The following CCNJL variants were observed in gnomAD, a reference collection of about 807,000 sequenced individuals.
CCNJL encodes the protein cyclin-J-like protein.
CCNJL carries 33 observed loss-of-function variants against 33.4 expected under a neutral mutation model. The ratio of observed to expected loss-of-function variants is 0.99; its 90% CI spans 0.75 to 1.32. The LOEUF (loss-of-function observed/expected upper bound fraction) is 1.32, where lower values mean the gene tolerates loss of function less well. Among genes scored for constraint, CCNJL ranks in the 40% most tolerant of loss-of-function variants. The pLI is 0.00. For synonymous variants in CCNJL, 227 were observed against 220.9 expected, an observed-to-expected ratio of 1.03 and a Z score of -0.24; for missense variants, 512 against 499.7, an observed-to-expected ratio of 1.02 and a Z score of -0.23.
At chr5:160,256,723 C>G (rs774590479) in intron 4 of CCNJL, among the ~76,000 whole-genome samples, 1 of 152,036 alleles carries the variant, frequency 6.6e-6, no homozygotes, top group Non-Finnish European at 1.5e-5. Context: ...CGAGACCAGC[C>G]TGGCCAACAT....
chr5:160,286,038 C>T (rs2113373574), intron 2 of CCNJL, among the ~76,000 whole-genome samples: 1 of 152,332 alleles, frequency 6.6e-6, no homozygotes. Context: ...AAGCAGCAGC[C>T]ACAGTCATAG....
At chr5:160,339,264 T>C (rs1341679790) in intron 1 of CCNJL, among the ~76,000 whole-genome samples, 1 of 110,738 alleles carries the variant, frequency 9.0e-6, no homozygotes, top group Admixed American at 8.7e-5. Context: ...ATAATTTATA[T>C]ATATATATGT....
chr5:160,289,084 T>G (rs1470199102), intron 2 of CCNJL, among the ~76,000 whole-genome samples: 1 of 152,198 alleles, frequency 6.6e-6, no homozygotes, highest in Non-Finnish European at 1.5e-5. Flanking sequence ...ATTTTGGGCA[T>G]GTGGGCTGTT....
At chr5:160,306,865 C>T (rs1763111966) in intron 2 of CCNJL, among the ~76,000 whole-genome samples, 1 of 152,202 alleles carries the variant, frequency 6.6e-6, no homozygotes, top group Non-Finnish European at 1.5e-5. Flanking sequence ...TTCCTAAGAT[C>T]CTTAAGCTGT....
chr5:160,280,615 C>T lies in CCNJL; in HGVS notation c.190G>A (p.Val64Ile), dbSNP rs747122783. The T allele has an allele frequency of 7.4e-6, 12 of 1,613,502 alleles. No individual in the cohort carries two copies. The highest frequency in any genetic ancestry group is 5.5e-5 in the South Asian group (5 of 91,086). ...QLCPAARHLAVYLLDHFMDRY... is the reference protein window; with the variant it reads ...QLCPAARHLAIYLLDHFMDRY... Reference sequence around the variant, plus strand: ...TCCATGAAGTGGTCCAGCAGGTAGACGGCCAGGTGCCGGGCTGCAGGGCAG... The same window carrying T: ...TCCATGAAGTGGTCCAGCAGGTAGATGGCCAGGTGCCGGGCTGCAGGGCAG... The change falls in exon 3 of 6, where the codon GTC becomes ATC. Residue 64 changes from valine (V) to isoleucine (I), a missense_variant. Transcript: ENST00000257536.
At position 160,305,076 on chromosome 5, in the gene CCNJL, A is replaced by G. The variant is rs183102362; in HGVS notation, c.66+6782T>C. Among the ~76,000 whole-genome samples, 295 of 152,178 alleles carry G rather than the reference A, an allele frequency of 1.9e-3. 3 individuals carry two copies. The highest frequency in any genetic ancestry group is 6.7e-3 in the African/African-American group (277 of 41,522). On this transcript the variant is annotated intron_variant, in intron 2 of 5. Transcript: ENST00000257536. The stretch of plus-strand genomic sequence containing the variant: ...TGAACCGCTCATCTCGGCCTCCCAA[A>G]GTGCTGGGATTACAGGCATGAGCCA...
chr5:160,296,511 C>T (rs879071403), intron 2 of CCNJL, among the ~76,000 whole-genome samples: 6 of 152,222 alleles, frequency 3.9e-5, no homozygotes, highest in Admixed American at 3.3e-4. Flanking sequence ...CAGATGCCAT[C>T]GCTTTGGGGC....
chr5:160,297,463 T>C (rs954748835), intron 2 of CCNJL, among the ~76,000 whole-genome samples: 4 of 152,088 alleles, frequency 2.6e-5, no homozygotes, highest in African/African-American at 4.8e-5. Flanking sequence ...CCTGGGAAGA[T>C]AGATGTCCCT....
chr5:160,321,006 CTCTCTCTCTTTCTTTCTT>C (rs1342776682), intron 1 of CCNJL, among the ~76,000 whole-genome samples: 41 of 100,650 alleles, frequency 4.1e-4, no homozygotes, highest in African/African-American at 1.7e-3. Flanking sequence ...TTCTCTCTCT[CTCTCTCTCTTTCTTTCTT>C]TCTTTCTTTC....
intron 3 of CCNJL, among the ~76,000 whole-genome samples, chr5:160,263,895 T>C (rs1176845404): frequency 1.3e-5 from 2 of 152,082 alleles, no homozygotes; most frequent in Non-Finnish European, 2.9e-5. Context: ...TTTTTCTTTT[T>C]GATGTTCACA....
intron 1 of CCNJL, among the ~76,000 whole-genome samples, chr5:160,331,222 CTTTTTTT>C (rs574507230): frequency 7.6e-6 from 1 of 131,436 alleles, no homozygotes; most frequent in Non-Finnish European, 1.6e-5. Context: ...TTCTTTCTTT[CTTTTTTT>C]TTTTTTTTTT....
At chr5:160,335,987 A>G (rs966481442) in intron 1 of CCNJL, among the ~76,000 whole-genome samples, 4 of 152,096 alleles carry the variant, frequency 2.6e-5, no homozygotes, top group African/African-American at 9.7e-5. Flanking sequence ...CTCATCGTCC[A>G]CAATCCAAAT....
intron 1 of CCNJL, among the ~76,000 whole-genome samples, chr5:160,329,437 A>G (rs964031019): frequency 1.4e-5 from 2 of 141,582 alleles, no homozygotes; most frequent in Admixed American, 7.6e-5. Context: ...TGCAAGCTCC[A>G]CCTCCCGGGT....
At chr5:160,322,870 G>A (rs1009303737) in intron 1 of CCNJL, among the ~76,000 whole-genome samples, 9 of 151,006 alleles carry the variant, frequency 6.0e-5, no homozygotes, top group African/African-American at 1.5e-4. Context: ...CCGAGATTGC[G>A]CTACTGCACT....
At chr5:160,265,992 T>TA (rs1761568702) in intron 3 of CCNJL, among the ~76,000 whole-genome samples, 1 of 152,268 alleles carries the variant, frequency 6.6e-6, no homozygotes, top group Non-Finnish European at 1.5e-5. Context: ...ACCAGACTTT[T>TA]ATCAGAAGTT....
chr5:160,286,451 G>A (rs760618389), intron 2 of CCNJL, among the ~76,000 whole-genome samples: 16 of 152,132 alleles, frequency 1.1e-4, no homozygotes, highest in Non-Finnish European at 1.5e-4. Flanking sequence ...CAGCCTGGTC[G>A]TCATGGCAAA....
At chr5:160,333,134 T>A (rs1447172882) in intron 1 of CCNJL, among the ~76,000 whole-genome samples, 1 of 151,944 alleles carries the variant, frequency 6.6e-6, no homozygotes, top group East Asian at 1.9e-4. Context: ...ATTTTTTTTT[T>A]TTTTTTGAGA....
rs570137668 is a variant in CCNJL at position 160,249,509 on chromosome 5, T to C, written c.*3869A>G. On this transcript the variant is annotated 3_prime_UTR_variant, in exon 6 of 6. Coordinates refer to ENST00000257536, the MANE Select transcript of CCNJL (RefSeq NM_001308173.3). ...CAGGCGTAGTGGCTTATACCTGTAA[T>C]CTCAGCACTTTGGGAGGCCGAGGCA... 7.9e-5 allele frequency: 12 copies of C among 152,294 alleles called. No individual in the cohort carries two copies. The highest frequency in any genetic ancestry group is 2.9e-4 in the African/African-American group (12 of 41,568). 9.4% of individuals were successfully genotyped at this position (152,294 alleles called of 1,614,324 possible).
intron 2 of CCNJL, among the ~76,000 whole-genome samples, chr5:160,283,141 A>T (rs569561706): frequency 6.3e-4 from 96 of 151,404 alleles, no homozygotes; most frequent in Non-Finnish European, 1.2e-3. Flanking sequence ...TCAACTGATG[A>T]ATGGATAAAC....
Sources: allele counts gnomAD v4.1 joint callset (sites outside exome capture counted in the v4.1 genomes callset), GRCh38; gene constraint gnomAD v4.1.1; transcripts MANE v1.5; gene names NCBI Gene and HGNC (gene_info 2026-07-23, HGNC 2026-07-21).